The following HYCC1 variants were observed in gnomAD, a reference collection of about 807,000 sequenced individuals.
The protein encoded by HYCC1 is hyccin PI4KA lipid kinase complex subunit 1.
chr7:22,971,607 C>T, the HYCC1 span, among the ~76,000 whole-genome samples: 7 of 140,684 alleles, frequency 5.0e-5, no homozygotes, highest in Non-Finnish European at 1.1e-4. Context: ...GCCTGGGAGG[C>T]GGAGGTTACA....
chr7:22,936,234 G>C, the HYCC1 span: 1 of 152,016 alleles, frequency 6.6e-6, no homozygotes. Context: ...CTCCATGAAA[G>C]AAAATATTTG....
the HYCC1 span, chr7:22,991,085 C>T: frequency 1.7e-5 from 27 of 1,610,118 alleles, no homozygotes; most frequent in African/African-American, 2.4e-4. Context: ...ACCATTCCTC[C>T]ACAACCCCTT....
chr7:22,931,692 T>C, the HYCC1 span, among the ~76,000 whole-genome samples: 2 of 140,952 alleles, frequency 1.4e-5, no homozygotes, highest in Admixed American at 1.4e-4. Flanking sequence ...ATTAGACTGA[T>C]GGTAAAAATG....
At chr7:22,975,508 TCTTA>T in the HYCC1 span, among the ~76,000 whole-genome samples, 5 of 152,202 alleles carry the variant, frequency 3.3e-5, no homozygotes, top group Admixed American at 6.5e-5. Flanking sequence ...AACCAGTATC[TCTTA>T]CTTATTTCTT....
At chr7:22,963,107 T>C in the HYCC1 span, among the ~76,000 whole-genome samples, 1 of 152,056 alleles carries the variant, frequency 6.6e-6, no homozygotes, top group Admixed American at 6.6e-5. Context: ...TAAATAATAT[T>C]TACCTCAGTC....
chr7:22,969,481 A>T, the HYCC1 span, among the ~76,000 whole-genome samples: 5 of 148,318 alleles, frequency 3.4e-5, no homozygotes, highest in Admixed American at 1.4e-4. Context: ...GGCCAGTTCC[A>T]TGACTGCTCT....
chr7:22,999,054 G>A, the HYCC1 span, among the ~76,000 whole-genome samples: 11 of 152,122 alleles, frequency 7.2e-5, no homozygotes, highest in Non-Finnish European at 1.5e-4. Context: ...TAAGCTGCCA[G>A]GAGAGAACTG....
At chr7:22,964,609 A>G in the HYCC1 span, 1 of 777,436 alleles carries the variant, frequency 1.3e-6, no homozygotes, top group East Asian at 2.5e-5. Context: ...TAAGCCAACA[A>G]TGTACTAGGT....
the HYCC1 span, among the ~76,000 whole-genome samples, chr7:22,947,858 A>G: frequency 6.6e-6 from 1 of 152,142 alleles, no homozygotes; most frequent in Non-Finnish European, 1.5e-5. Flanking sequence ...TCTCACATAT[A>G]CATCATCTAT....
At chr7:22,998,137 A>G in the HYCC1 span, among the ~76,000 whole-genome samples, 1 of 152,218 alleles carries the variant, frequency 6.6e-6, no homozygotes, top group African/African-American at 2.4e-5. Context: ...CATTTTTTCC[A>G]GGGAAAGGAT....
At chr7:22,896,320 G>A in the HYCC1 span, among the ~76,000 whole-genome samples, 2,590 of 152,272 alleles carry the variant, frequency 0.017, 83 homozygotes, top group African/African-American at 0.06. Flanking sequence ...AATGTTAATA[G>A]GCAGACTGCA....
chr7:23,013,971 C>G, the HYCC1 span: 1 of 470,854 alleles, frequency 2.1e-6, no homozygotes, highest in African/African-American at 2.0e-5. Flanking sequence ...ACTCGTGAGG[C>G]TCTCAGCGAC....
the HYCC1 span, among the ~76,000 whole-genome samples, chr7:22,998,599 T>G: frequency 9.9e-5 from 15 of 152,230 alleles, no homozygotes; most frequent in African/African-American, 3.6e-4. Context: ...TAATAAATAT[T>G]TATTGAATAG....
At chr7:22,911,306 A>T in the HYCC1 span, among the ~76,000 whole-genome samples, 1 of 152,162 alleles carries the variant, frequency 6.6e-6, no homozygotes. Context: ...CAAGCAATTG[A>T]CCTAGTACTA....
chr7:22,995,572 C>T, the HYCC1 span, among the ~76,000 whole-genome samples: 3 of 152,068 alleles, frequency 2.0e-5, no homozygotes, highest in Non-Finnish European at 2.9e-5. Context: ...AAAGCTGGAA[C>T]AATCCAAGCA....
chr7:22,940,271 A>G, the HYCC1 span: 1 of 58,908 alleles, frequency 1.7e-5, no homozygotes, highest in Admixed American at 2.3e-4. Flanking sequence ...TTTTTTTTTG[A>G]GATAGAGTCT....
At chr7:22,906,998 G>A in the HYCC1 span, among the ~76,000 whole-genome samples, 31 of 151,210 alleles carry the variant, frequency 2.1e-4, no homozygotes, top group Non-Finnish European at 1.2e-4. Flanking sequence ...CCAGCTACTC[G>A]GGAGGCTGAG....
chr7:22,909,561 T>A, the HYCC1 span, among the ~76,000 whole-genome samples: 1 of 152,322 alleles, frequency 6.6e-6, no homozygotes, highest in Non-Finnish European at 1.5e-5. Context: ...ACCATAACCA[T>A]AAGCGTGACT....
At chr7:22,967,861 G>C in the HYCC1 span, among the ~76,000 whole-genome samples, 1 of 152,148 alleles carries the variant, frequency 6.6e-6, no homozygotes, top group Admixed American at 6.6e-5. Context: ...AGGAACACTG[G>C]AATATACTGT....
Sources: gnomAD v4.1 joint callset for allele counts (sites outside exome capture counted in the v4.1 genomes callset) on GRCh38, gnomAD v4.1.1 for gene constraint, MANE v1.5 for transcripts, NCBI Gene and HGNC (gene_info 2026-07-23, HGNC 2026-07-21) for gene names.